The following VPS18 variants were observed in gnomAD, a reference collection of about 807,000 sequenced individuals.
VPS18 encodes the protein VPS18 core subunit of CORVET and HOPS complexes.
In VPS18, 25 loss-of-function variants were observed where a neutral mutation model predicts 82.0. The ratio of observed to expected loss-of-function variants is 0.30; its 90% CI spans 0.22 to 0.43. The LOEUF is 0.43. Ranked by LOEUF, VPS18 falls within the 20% of genes least tolerant of loss-of-function variation. The pLI, the probability that VPS18 is intolerant of heterozygous loss-of-function variation, is 1.00. For synonymous variants in VPS18, 523 were observed against 543.0 expected (o/e 0.96, Z 0.51); for missense variants, 1,168 against 1,311.1 (o/e 0.89, Z 1.69).
intron 1 of VPS18, 132 bp downstream of exon 1, chr15:40,894,991 C>G: frequency 1.1e-6 from 1 of 879,286 alleles, no homozygotes; most frequent in Non-Finnish European, 1.7e-6. Flanking sequence ...CCCTGATTCT[C>G]CTCAGGCTCT....
Position 40,900,087 on chromosome 15 carries a change from C to T in VPS18, c.1269C>T (p.Asp423=). ...GTCGAGAGCGGCCCGACTGCCTGGA[C>T]ACGGTCCTGGCCCGGGAGGCCGATT... ...EYCRERPDCL[D]TVLAREADFC... Residue 423 remains aspartate, a synonymous_variant, in exon 4 of 5, where the codon GAC becomes GAT. Transcript: ENST00000220509. The surrounding 1 kb of genome is among the most constrained non-coding windows in gnomAD (Gnocchi z 5.4). 6.2e-7 allele frequency: 1 copy of T among 1,613,922 alleles called. No individual in the cohort carries two copies.
In VPS18 at chr15:40,903,063, G is replaced by T. The variant is rs1596180403; in HGVS notation, c.2644G>T (p.Ala882Ser). 3 of 1,614,206 alleles carry T rather than the reference G, an allele frequency of 1.9e-6. No homozygotes were observed. Among genetic ancestry groups the T allele is most frequent in the Non-Finnish European group, 2.5e-6 (3 of 1,180,048 alleles). ...GTTCCATGCTGACTGCCTGCTGCAG[G>T]CTGTGCGACCTGGCCTGCCAGCCTA... ...HMFHADCLLQ[A>S]VRPGLPAYKQ... Residue 882 changes from alanine (A) to serine (S), a missense_variant, in exon 5 of 5, where the codon GCT becomes TCT. Physicochemically the swap from Ala to Ser is moderately conservative, Grantham distance 99. Coordinates refer to ENST00000220509, the MANE Select transcript of VPS18 (RefSeq NM_020857.3).
Position 40,903,246 on chromosome 15 carries a change from G to C in VPS18, c.2827G>C (p.Glu943Gln). The C allele has an allele frequency of 6.2e-7, 1 of 1,611,210 alleles. No individual in the cohort carries two copies. Among genetic ancestry groups the C allele is most frequent in the South Asian group, 1.1e-5 (1 of 90,896 alleles). ...TGACCTGGATGAGTTGGTGGCCGCT[G>C]AGTGTGTGTACTGTGGGGAGCTGAT... is the stretch of plus-strand genomic sequence containing the variant. ...KADLDELVAA[E>Q]CVYCGELMIR... Residue 943 changes from glutamate to glutamine, a missense_variant, in exon 5 of 5, where the codon GAG becomes CAG. By Grantham distance (29) the Glu-to-Gln change is conservative (BLOSUM62 2). Coordinates refer to ENST00000220509, the MANE Select transcript of VPS18 (RefSeq NM_020857.3).
intron 2 of VPS18, among the ~76,000 whole-genome samples, chr15:40,898,124 G>A (rs1342834560): frequency 1.3e-5 from 2 of 151,908 alleles, no homozygotes; most frequent in African/African-American, 2.4e-5. Context: ...CTGCCACCGC[G>A]CCCGGCTAAT....
In VPS18 at chr15:40,900,899, A is replaced by G. The variant is rs778923086; in HGVS notation, c.2081A>G (p.His694Arg). ...GCTGGGGCCAGCCCCCACCGGGTGC[A>G]TTACGACCTCAAGTATGCGCTGCGG... ...EQAGASPHRV[H>R]YDLKYALRLC... The change falls in exon 4 of 5, where the codon CAT becomes CGT. Residue 694 changes from histidine to arginine, a missense_variant. Coordinates refer to ENST00000220509, the MANE Select transcript of VPS18 (RefSeq NM_020857.3). The surrounding 1 kb of genome is among the most constrained non-coding windows in gnomAD (Gnocchi z 5.4). 2.2e-5 allele frequency: 35 copies of G among 1,613,966 alleles called. No individual in the cohort carries two copies. Among genetic ancestry groups the G allele is most frequent in the Non-Finnish European group, 2.7e-5 (32 of 1,180,054 alleles).
rs1892289295 is a variant in VPS18 at position 40,899,072 on chromosome 15, TGTG to T, written c.326-70_326-68del. 4 of 1,605,614 alleles carry T rather than the reference TGTG, an allele frequency of 2.5e-6. No individual in the cohort carries two copies. The Admixed American group carries it at 6.7e-5, about 27-fold the overall frequency. ...CTGGGTGGGTGGGCTCTGAGGGTGG[TGTG>T]GGGGCCAGGAGGAGGCTGAGGATGG... is the stretch of plus-strand genomic sequence containing the variant. On this transcript the variant is annotated intron_variant, in intron 3 of 4. Coordinates refer to ENST00000220509, the MANE Select transcript of VPS18 (RefSeq NM_020857.3). The surrounding 1 kb of genome is among the most constrained non-coding windows in gnomAD (Gnocchi z 4.4).
intron 2 of VPS18, 149 bp downstream of exon 2, chr15:40,896,228 A>G: frequency 3.4e-6 from 4 of 1,175,902 alleles, no homozygotes; most frequent in Non-Finnish European, 4.7e-6. Flanking sequence ...AAGAGAACCA[A>G]TACAGGGTAG....
At position 40,900,093 on chromosome 15, in the gene VPS18, C is replaced by T. The variant is rs777147585; in HGVS notation, c.1275C>T (p.Val425=). The T allele has an allele frequency of 2.5e-6, 4 of 1,613,884 alleles. No homozygotes were observed. In the South Asian group the frequency reaches 3.3e-5, roughly 13 times the overall value. ...AGCGGCCCGACTGCCTGGACACGGT[C>T]CTGGCCCGGGAGGCCGATTTCTGCT... ...CRERPDCLDT[V]LAREADFCFR... Residue 425 remains valine (V), a synonymous_variant, in exon 4 of 5, where the codon GTC becomes GTT. Transcript: ENST00000220509. This position sits in a 1 kb window ranked among gnomAD's most constrained non-coding sequence, Gnocchi z 5.4.
At position 40,899,487 on chromosome 15, in the gene VPS18, C is replaced by T; in HGVS notation, c.669C>T (p.Thr223=). 4 of 1,611,256 alleles carry T rather than the reference C, an allele frequency of 2.5e-6. No individual in the cohort carries two copies. The highest frequency in any genetic ancestry group is 3.4e-6 in the Non-Finnish European group (4 of 1,179,050). The change falls in exon 4 of 5, where the codon ACC becomes ACT. Residue 223 remains threonine, a synonymous_variant. Coordinates refer to ENST00000220509, the MANE Select transcript of VPS18 (RefSeq NM_020857.3). The surrounding 1 kb of genome is among the most constrained non-coding windows in gnomAD (Gnocchi z 4.4). ...GPDGRSFVIA[T]TRQRLFQFIG... ...ATGGGCGTAGCTTTGTTATTGCCAC[C>T]ACTCGGCAGCGCCTCTTCCAGTTCA...
rs1172628005 is a variant in VPS18, at chr15:40,894,697, G to C, written c.-72G>C. On this transcript the variant is annotated 5_prime_UTR_variant, in exon 1 of 5. Coordinates refer to ENST00000220509, the MANE Select transcript of VPS18 (RefSeq NM_020857.3). ...GGAGTTACAGCTTCCATTCTGGGGC[G>C]ACGGGGACCCCGGGGGGGTAGCCCT... The C allele has an allele frequency of 1.4e-5, 20 of 1,441,972 alleles. No homozygotes were observed. The highest frequency in any genetic ancestry group is 1.8e-5 in the Non-Finnish European group (19 of 1,081,258). The allele number at this position is 1,441,972 out of a possible 1,614,324, so 89.3% of individuals were successfully genotyped here.
Position 40,899,249 on chromosome 15 carries a change from G to A in VPS18, c.431G>A (p.Ser144Asn). Residue 144 changes from serine (S) to asparagine (N), a missense_variant, in exon 4 of 5, where the codon AGT becomes AAT. Physicochemically the swap from Ser to Asn is conservative, Grantham distance 46 (BLOSUM62 1). Coordinates refer to ENST00000220509, the MANE Select transcript of VPS18 (RefSeq NM_020857.3). This position sits in a 1 kb window ranked among gnomAD's most constrained non-coding sequence, Gnocchi z 4.4. The stretch of plus-strand genomic sequence containing the variant: ...CGCTGGAAGGGGCAGCTGGTGGAGA[G>A]TGTGGGTTGGAACAAGGCACTGGGC... ...LARWKGQLVE[S>N]VGWNKALGTE... is the part of the protein sequence containing the mutation. 1 of 1,614,260 alleles carries A rather than the reference G, an allele frequency of 6.2e-7. No homozygotes were observed. Among genetic ancestry groups the A allele is most frequent in the Non-Finnish European group, 8.5e-7 (1 of 1,180,054 alleles).
At chr15:40,894,984 T>C (rs1596172773) in intron 1 of VPS18, 125 bp downstream of exon 1, 1 of 939,446 alleles carries the variant, frequency 1.1e-6, no homozygotes, top group East Asian at 3.0e-5. Context: ...TCTAGGCCCC[T>C]GATTCTCCTC....
chr15:40,899,458 C>A lies in VPS18; in HGVS notation c.640C>A (p.Pro214Thr). 1.2e-6 allele frequency: 2 copies of A among 1,608,514 alleles called. No individual in the cohort carries two copies. The highest frequency in any genetic ancestry group is 1.7e-6 in the Non-Finnish European group (2 of 1,176,392). ...PVCSLEAERG[P>T]DGRSFVIATT... The stretch of plus-strand genomic sequence containing the variant: ...GTGCTCCCTTGAGGCCGAGCGGGGC[C>A]CTGATGGGCGTAGCTTTGTTATTGC... The change falls in exon 4 of 5, where the codon CCT (proline) becomes ACT (threonine). Residue 214 changes from proline to threonine, a missense_variant. Coordinates refer to ENST00000220509, the MANE Select transcript of VPS18 (RefSeq NM_020857.3). This position sits in a 1 kb window ranked among gnomAD's most constrained non-coding sequence, Gnocchi z 4.4.
chr15:40,902,948 C>T lies in VPS18; in HGVS notation c.2529C>T (p.Arg843=), dbSNP rs1480708085. ...IRRDLQELRG[R]YGTVEPQDKC... ...GAGACCTGCAGGAGCTGCGGGGCCG[C>T]TACGGCACTGTGGAGCCCCAGGACA... The change falls in exon 5 of 5, where the codon CGC becomes CGT. Residue 843 remains arginine (R), a synonymous_variant. Coordinates refer to ENST00000220509, the MANE Select transcript of VPS18 (RefSeq NM_020857.3). The surrounding 1 kb of genome is among the most constrained non-coding windows in gnomAD (Gnocchi z 4.2). 2 of 1,614,274 alleles carry T rather than the reference C, an allele frequency of 1.2e-6. No homozygotes were observed. Among genetic ancestry groups the T allele is most frequent in the Admixed American group, 1.7e-5 (1 of 60,036 alleles).
rs372429515 is a variant in VPS18 at position 40,903,101 on chromosome 15, G to C, written c.2682G>C (p.Arg894=). ...GCCTGCCAGCCTACAAGCAGGCCCG[G>C]CTGGAGGAGCTGCAGAGGAAGCTGG... ...RPGLPAYKQA[R]LEELQRKLGA... The change falls in exon 5 of 5, where the codon CGG becomes CGC. Residue 894 remains arginine, a synonymous_variant. Transcript: ENST00000220509. The C allele has an allele frequency of 2.5e-6, 4 of 1,613,436 alleles. No homozygotes were observed. In the Admixed American group the frequency reaches 6.7e-5, roughly 27 times the overall value.
At position 40,903,515 on chromosome 15, in the gene VPS18, C is replaced by A. The variant is rs2142041032; in HGVS notation, c.*174C>A. 2 of 864,550 alleles carry A rather than the reference C, an allele frequency of 2.3e-6. No individual in the cohort carries two copies. Among genetic ancestry groups the A allele is most frequent in the East Asian group, 5.9e-5 (2 of 33,980 alleles). 53.6% of individuals were successfully genotyped at this position (864,550 alleles called of 1,614,324 possible). ...AGGTGTCAGGTGTGAGTGTATTCTG[C>A]CAGCTTTTCATGCTGTTCTTCAGAG... On this transcript the variant is annotated 3_prime_UTR_variant, in exon 5 of 5. Coordinates refer to ENST00000220509, the MANE Select transcript of VPS18 (RefSeq NM_020857.3).
At position 40,899,421 on chromosome 15, in the gene VPS18, T is replaced by C; in HGVS notation, c.603T>C (p.Gly201=). Residue 201 remains glycine, a synonymous_variant, in exon 4 of 5, where the codon GGT becomes GGC. Transcript: ENST00000220509. This position sits in a 1 kb window ranked among gnomAD's most constrained non-coding sequence, Gnocchi z 4.4. ...RPLYVLNEEG[G]PAPVCSLEAE... is the part of the protein sequence containing the mutation. ...TGTACGTGCTAAATGAAGAAGGGGG[T>C]CCAGCACCTGTGTGCTCCCTTGAGG... 6.2e-7 allele frequency: 1 copy of C among 1,603,626 alleles called. No homozygotes were observed. The highest frequency in any genetic ancestry group is 8.5e-7 in the Non-Finnish European group (1 of 1,172,424).
Position 40,900,629 on chromosome 15 carries a change from G to A in VPS18, c.1811G>A (p.Arg604His), listed in dbSNP as rs766767157. 16 of 1,613,908 alleles carry A rather than the reference G, an allele frequency of 9.9e-6. No individual in the cohort carries two copies. In the Middle Eastern group the frequency reaches 6.6e-4, roughly 66 times the overall value. Reference protein sequence around the residue: ...LFYKFSPILIRHIPRQLVDAW... With the variant: ...LFYKFSPILIHHIPRQLVDAW... ...TACAAGTTCTCACCCATCCTCATCC[G>A]TCACATCCCCCGCCAGCTTGTAGAT... The change falls in exon 4 of 5, where the codon CGT becomes CAT. Residue 604 changes from arginine to histidine, a missense_variant. Arg to His is a conservative substitution (Grantham distance 29). This residue lies in a region of VPS18 where 868 missense variants were observed against 939.8 expected (regional missense o/e 0.92). Transcript: ENST00000220509. This position sits in a 1 kb window ranked among gnomAD's most constrained non-coding sequence, Gnocchi z 5.4.
Position 40,900,404 on chromosome 15 carries a change from G to A in VPS18, c.1586G>A (p.Ser529Asn), listed in dbSNP as rs1356679088. ...GAATGCTTTCGAACCTTCCTCAGCAGCCCCCGCCACAAAGAGTGGCTCTTT... is the reference window on the plus strand; with the variant it reads ...GAATGCTTTCGAACCTTCCTCAGCAACCCCCGCCACAAAGAGTGGCTCTTT... ...TKECFRTFLS[S>N]PRHKEWLFAS... The change falls in exon 4 of 5, where the codon AGC becomes AAC. Residue 529 changes from serine (S) to asparagine (N), a missense_variant. Around this residue, in one of 3 missense-constraint regions of VPS18, gnomAD observed 868 missense variants for 939.8 expected, o/e 0.92. Transcript: ENST00000220509. This position sits in a 1 kb window ranked among gnomAD's most constrained non-coding sequence, Gnocchi z 5.4. 4 of 1,613,168 alleles carry A rather than the reference G, an allele frequency of 2.5e-6. No homozygotes were observed. Among genetic ancestry groups the A allele is most frequent in the Non-Finnish European group, 3.4e-6 (4 of 1,179,930 alleles).
Sources: gnomAD v4.1 joint callset for allele counts (sites outside exome capture counted in the v4.1 genomes callset) on GRCh38, gnomAD v4.1.1 for gene constraint, gnomAD v4.1.1 regional missense constraint, Gnocchi (gnomAD v3.1) non-coding constraint, MANE v1.5 for transcripts, NCBI Gene and HGNC (gene_info 2026-07-23, HGNC 2026-07-21) for gene names.